Variants in SLC6A11 observed in about 807,000 individuals in gnomAD.
The protein encoded by SLC6A11 is solute carrier family 6 member 11.
SLC6A11 carries 25 observed loss-of-function variants against 74.8 expected under a neutral mutation model. That is an observed-to-expected ratio of 0.33 (90% CI 0.24 to 0.47). The LOEUF (loss-of-function observed/expected upper bound fraction) is 0.47. Among genes scored for constraint, SLC6A11 ranks in the 20% least tolerant of loss-of-function variants. The pLI is 1.00. For synonymous variants in SLC6A11, 330 were observed against 330.2 expected (o/e 1.00, Z 0.01); for missense variants, 574 against 837.0 (o/e 0.69, Z 3.88).
At chr3:10,912,960 T>C (rs1393868513) in intron 7 of SLC6A11, among the ~76,000 whole-genome samples, 1 of 151,768 alleles carries the variant, frequency 6.6e-6, no homozygotes, top group Non-Finnish European at 1.5e-5. Flanking sequence ...TTCCTTAGAG[T>C]CTGAGAGCTC....
rs759059937 is a variant in SLC6A11 at position 10,844,228 on chromosome 3, C to T, written c.638C>T (p.Ala213Val). The change falls in exon 5 of 14, where the codon GCC becomes GTC. Residue 213 changes from alanine (A) to valine (V), a missense_variant. Physicochemically the swap from Ala to Val is moderately conservative, Grantham distance 64 (BLOSUM62 0). Coordinates refer to ENST00000254488, the MANE Select transcript of SLC6A11 (RefSeq NM_014229.3). ...VMEFWEHRVL[A>V]ISDGIEHIGN... ...CCCTTCTGCAGGCACCGGGTCCTGG[C>T]CATCTCTGACGGGATCGAGCACATC... The T allele has an allele frequency of 6.2e-7, 1 of 1,614,220 alleles. No homozygotes were observed. The highest frequency in any genetic ancestry group is 2.2e-5 in the East Asian group (1 of 44,880).
intron 11 of SLC6A11, 49 bp downstream of exon 11, chr3:10,933,302 C>T (rs1695715671): frequency 7.5e-7 from 1 of 1,330,736 alleles, no homozygotes; most frequent in African/African-American, 1.4e-5. Context: ...ACCAGGTACC[C>T]AGGATCCTGG....
At chr3:10,877,430 T>A (rs935155630) in intron 6 of SLC6A11, among the ~76,000 whole-genome samples, 6 of 152,196 alleles carry the variant, frequency 3.9e-5, no homozygotes, top group Admixed American at 6.5e-5. Context: ...ATGCAGACTG[T>A]GTTCCTTCCT....
intron 10 of SLC6A11, among the ~76,000 whole-genome samples, chr3:10,930,374 C>T (rs2697157): frequency 0.99 from 151,235 of 152,350 alleles, 75,073 homozygotes; most frequent in East Asian, 1. Context: ...CCAGCCCTTG[C>T]TTGGCTTCAT....
chr3:10,859,630 T>C (rs980953981), intron 5 of SLC6A11, among the ~76,000 whole-genome samples: 9 of 152,278 alleles, frequency 5.9e-5, no homozygotes, highest in African/African-American at 2.2e-4. Flanking sequence ...TCCTTGGAAT[T>C]GTATAAAAAT....
intron 5 of SLC6A11, among the ~76,000 whole-genome samples, chr3:10,872,755 G>GCA (rs1575683783): frequency 6.6e-6 from 1 of 152,346 alleles, no homozygotes; most frequent in East Asian, 1.9e-4. Context: ...GAGGACTGAA[G>GCA]CACTGGTCAA....
Position 10,918,119 on chromosome 3 carries a change from C to T in SLC6A11, c.996-210C>T, listed in dbSNP as rs1237028865. On this transcript the variant is annotated intron_variant, in intron 7 of 13. Coordinates refer to ENST00000254488, the MANE Select transcript of SLC6A11 (RefSeq NM_014229.3). This position sits in a 1 kb window ranked among gnomAD's most constrained non-coding sequence, Gnocchi z 4.5. ...GCTTCTGATTCGTGACCTACCTTAC[C>T]TTCTAGAAATTCAGGAGAAGCTGTG... is the stretch of plus-strand genomic sequence containing the variant. Among the ~76,000 whole-genome samples the T allele has an allele frequency of 6.6e-6, 1 of 152,182 alleles. No individual in the cohort carries two copies. Among genetic ancestry groups the T allele is most frequent in the East Asian group, 1.9e-4 (1 of 5,184 alleles).
chr3:10,891,336 A>G (rs529798497), intron 6 of SLC6A11, among the ~76,000 whole-genome samples: 30 of 152,308 alleles, frequency 2.0e-4, no homozygotes, highest in African/African-American at 6.7e-4. Context: ...AACCCTCAGC[A>G]TTTACTTTTC....
intron 6 of SLC6A11, among the ~76,000 whole-genome samples, chr3:10,900,785 T>C (rs1366393640): frequency 6.6e-6 from 1 of 152,180 alleles, no homozygotes; most frequent in African/African-American, 2.4e-5. Flanking sequence ...GAAGCTGAAG[T>C]CTGGCTTGGT....
chr3:10,893,351 C>G (rs1355529224), intron 6 of SLC6A11, among the ~76,000 whole-genome samples: 5 of 152,078 alleles, frequency 3.3e-5, no homozygotes, highest in Non-Finnish European at 4.4e-5. Context: ...TCTACCTCGC[C>G]CAGAAGGGAA....
chr3:10,818,739 G>A (rs529045775), intron 1 of SLC6A11, among the ~76,000 whole-genome samples: 2 of 152,278 alleles, frequency 1.3e-5, no homozygotes, highest in South Asian at 4.1e-4. Context: ...CCCCATTCTG[G>A]GTGTAATAGT....
chr3:10,867,566 T>G (rs1395792783), intron 5 of SLC6A11, among the ~76,000 whole-genome samples: 1 of 152,214 alleles, frequency 6.6e-6, no homozygotes, highest in East Asian at 1.9e-4. Flanking sequence ...GGACCCTGGA[T>G]AGCTCCAAGG....
At chr3:10,878,421 T>C (rs1460686643) in intron 6 of SLC6A11, among the ~76,000 whole-genome samples, 1 of 151,140 alleles carries the variant, frequency 6.6e-6, no homozygotes, top group Non-Finnish European at 1.5e-5. Context: ...TTTTTTTTTT[T>C]TGAGATGGGG....
At chr3:10,916,617 A>G (rs1695457685) in intron 7 of SLC6A11, among the ~76,000 whole-genome samples, 1 of 152,232 alleles carries the variant, frequency 6.6e-6, no homozygotes, top group African/African-American at 2.4e-5. Flanking sequence ...ATGCAAGCCC[A>G]TCTCAAGCCT....
At chr3:10,852,305 A>G (rs1235287174) in intron 5 of SLC6A11, among the ~76,000 whole-genome samples, 1 of 152,234 alleles carries the variant, frequency 6.6e-6, no homozygotes, top group East Asian at 1.9e-4. Flanking sequence ...CCTGAACCCA[A>G]GTACACCGAA....
In SLC6A11 at chr3:10,934,229, T is replaced by C. The variant is rs889522376; in HGVS notation, c.1575+63T>C. ...CCACCCATCTACCCTCCAACCCACG[T>C]TTCCACTCCGTAGCCCCCACCCTGG... On this transcript the variant is annotated intron_variant, in intron 12 of 13. Coordinates refer to ENST00000254488, the MANE Select transcript of SLC6A11 (RefSeq NM_014229.3). 6 of 1,157,036 alleles carry C rather than the reference T, an allele frequency of 5.2e-6. No homozygotes were observed. The African/African-American group carries it at 9.1e-5, about 18-fold the overall frequency. The allele number at this position is 1,157,036 out of a possible 1,614,324, so 71.7% of individuals were successfully genotyped here.
chr3:10,871,334 G>GCC (rs1415483661), intron 5 of SLC6A11, among the ~76,000 whole-genome samples: 2 of 152,206 alleles, frequency 1.3e-5, no homozygotes, highest in Admixed American at 1.3e-4. Context: ...TACATGGTAA[G>GCC]GTTCTTTTCC....
chr3:10,824,994 G>T (rs1390648343), intron 4 of SLC6A11: 1 of 152,154 alleles, frequency 6.6e-6, no homozygotes, highest in Non-Finnish European at 1.5e-5. Flanking sequence ...GACCAGCCTG[G>T]CCAACATGGT....
At chr3:10,924,658 C>G (rs775699265) in intron 8 of SLC6A11, among the ~76,000 whole-genome samples, 2 of 151,516 alleles carry the variant, frequency 1.3e-5, no homozygotes, top group Non-Finnish European at 2.9e-5. Context: ...AGAAAACAAC[C>G]TAATGAAAAA....
Sources: gnomAD v4.1 joint callset for allele counts (sites outside exome capture counted in the v4.1 genomes callset) on GRCh38, gnomAD v4.1.1 for gene constraint, Gnocchi (gnomAD v3.1) non-coding constraint, MANE v1.5 for transcripts, NCBI Gene and HGNC (gene_info 2026-07-23, HGNC 2026-07-21) for gene names.